SNX30: variants seen among roughly 807,000 people sequenced by gnomAD.
The protein encoded by SNX30 is sorting nexin family member 30.
In SNX30, 24 loss-of-function variants were observed where a neutral mutation model predicts 46.4. That is an observed-to-expected ratio of 0.52 (90% CI 0.37 to 0.73). The LOEUF (loss-of-function observed/expected upper bound fraction) is 0.73. SNX30 is among the 30% of genes least tolerant of loss of function. The pLI is 0.00. For synonymous variants in SNX30, 189 were observed against 211.5 expected, an observed-to-expected ratio of 0.89 and a Z score of 0.92; for missense variants, 533 against 555.7, an observed-to-expected ratio of 0.96 and a Z score of 0.41.
In SNX30 at chr9:112,854,067, C is replaced by T. The variant is rs1255635307; in HGVS notation, c.1101+3122C>T. On this transcript the variant is annotated intron_variant, in intron 7 of 8. Transcript: ENST00000374232. ...ATCTGTACAAGCTCAGCACTGAATA[C>T]GAGCTTTCTCAGAGGCTGATGCTGT... Among the ~76,000 whole-genome samples, 6 of 152,320 alleles carry T rather than the reference C, an allele frequency of 3.9e-5. No individual in the cohort carries two copies. The East Asian group carries it at 5.8e-4, about 15-fold the overall frequency.
intron 4 of SNX30, among the ~76,000 whole-genome samples, chr9:112,832,192 A>G (rs1204890333): frequency 6.6e-6 from 1 of 151,978 alleles, no homozygotes; most frequent in East Asian, 1.9e-4. Context: ...TACAGGTTGG[A>G]CAGGTACACT....
chr9:112,857,172 T>A (rs1692912781), intron 7 of SNX30, among the ~76,000 whole-genome samples: 1 of 152,102 alleles, frequency 6.6e-6, no homozygotes, highest in Non-Finnish European at 1.5e-5. Context: ...AGCTCGAGGA[T>A]CTCTTGCTGT....
chr9:112,796,094 G>A (rs1840104081), intron 1 of SNX30, among the ~76,000 whole-genome samples: 2 of 152,168 alleles, frequency 1.3e-5, no homozygotes, highest in South Asian at 2.1e-4. Context: ...CTGGTCCCTC[G>A]GATGTGGAAG....
intron 1 of SNX30, among the ~76,000 whole-genome samples, chr9:112,760,651 G>A (rs1000497830): frequency 2.0e-5 from 3 of 152,320 alleles, no homozygotes; most frequent in Admixed American, 2.0e-4. Context: ...TGCCAGCTGT[G>A]CCTGAAGTTA....
chr9:112,758,634 G>A (rs1348714918), intron 1 of SNX30, among the ~76,000 whole-genome samples: 2 of 152,188 alleles, frequency 1.3e-5, no homozygotes, highest in South Asian at 2.1e-4. Context: ...GAGCTCAAGC[G>A]ATCTGCCCGC....
At chr9:112,811,290 A>T (rs1321043701) in intron 2 of SNX30, among the ~76,000 whole-genome samples, 1 of 152,212 alleles carries the variant, frequency 6.6e-6, no homozygotes. Flanking sequence ...GGGGTTGCCT[A>T]GAATTCTTAA....
downstream of SNX30, among the ~76,000 whole-genome samples, chr9:112,882,795 A>G (rs1430481723): frequency 6.6e-6 from 1 of 152,154 alleles, no homozygotes; most frequent in African/African-American, 2.4e-5. Flanking sequence ...GGAGGGTATC[A>G]AGAACCCTAT....
At chr9:112,861,934 A>G (rs948623118) in intron 7 of SNX30, among the ~76,000 whole-genome samples, 2 of 137,442 alleles carry the variant, frequency 1.5e-5, no homozygotes, top group African/African-American at 4.9e-5. Flanking sequence ...AAGCGACAAC[A>G]CTTACGATAT....
intron 7 of SNX30, 109 bp from the exon 8 acceptor site, chr9:112,864,138 G>A (rs1841280829): frequency 3.4e-6 from 4 of 1,187,922 alleles, no homozygotes; most frequent in South Asian, 2.7e-5. Flanking sequence ...CGTGTTGATA[G>A]CATTTTAATG....
intron 7 of SNX30, among the ~76,000 whole-genome samples, chr9:112,861,347 C>T (rs914856621): frequency 1.3e-5 from 2 of 152,186 alleles, no homozygotes; most frequent in Non-Finnish European, 2.9e-5. Context: ...CAGCCCAACT[C>T]CCCCTTCCTA....
downstream of SNX30, among the ~76,000 whole-genome samples, chr9:112,882,185 C>T (rs1373978627): frequency 6.6e-6 from 1 of 152,194 alleles, no homozygotes; most frequent in Non-Finnish European, 1.5e-5. Context: ...TTGCTCATTG[C>T]AGCCTCAACC....
chr9:112,870,374 C>G lies in SNX30; in HGVS notation c.*1531C>G, dbSNP rs1185152597. The G allele has an allele frequency of 2.6e-5, 4 of 152,256 alleles. No individual in the cohort carries two copies. The highest frequency in any genetic ancestry group is 5.9e-5 in the Non-Finnish European group (4 of 68,054). The allele number at this position is 152,256 out of a possible 1,614,324, so 9.4% of individuals were successfully genotyped here. A position where few individuals can be genotyped will look rare whatever the true frequency, so the allele number is the denominator to read the frequency against. On this transcript the variant is annotated 3_prime_UTR_variant, in exon 9 of 9. Coordinates refer to ENST00000374232, the MANE Select transcript of SNX30 (RefSeq NM_001012994.2). Reference sequence around the variant, plus strand: ...GTCAGCGGGCAGCACGTCAAGGTCACTTAAGCCCACTTTTAACTGCAGGTC... The same window carrying G: ...GTCAGCGGGCAGCACGTCAAGGTCAGTTAAGCCCACTTTTAACTGCAGGTC...
At chr9:112,875,151 T>G (rs921572676), downstream of SNX30, 60 of 152,346 alleles carry the variant, frequency 3.9e-4, no homozygotes, top group African/African-American at 1.3e-3. Context: ...ATTTTTATTC[T>G]TCTTCACTTC....
chr9:112,860,212 C>T (rs1841205186), intron 7 of SNX30, among the ~76,000 whole-genome samples: 2 of 152,202 alleles, frequency 1.3e-5, no homozygotes, highest in Non-Finnish European at 2.9e-5. Context: ...TCCCAAAGTG[C>T]TGGGATTACA....
intron 5 of SNX30, 25 bp from the exon 6 acceptor site, chr9:112,838,473 T>G: frequency 6.3e-7 from 1 of 1,581,908 alleles, no homozygotes; most frequent in Non-Finnish European, 8.6e-7. Context: ...AGCCAGATTT[T>G]AATTAGTTTC....
downstream of SNX30, among the ~76,000 whole-genome samples, chr9:112,883,281 C>T (rs1319097428): frequency 1.3e-5 from 2 of 152,074 alleles, no homozygotes; most frequent in African/African-American, 4.8e-5. Flanking sequence ...TAGAAGAATT[C>T]AGGAGAGAAT....
chr9:112,796,785 C>T (rs1032865484), intron 1 of SNX30, among the ~76,000 whole-genome samples: 11 of 152,138 alleles, frequency 7.2e-5, no homozygotes, highest in African/African-American at 2.2e-4. Context: ...GCCCTTGACC[C>T]CAGGCCACAC....
rs12686424 is a variant in SNX30 at position 112,806,279 on chromosome 9, G to A, written c.348+1312G>A. 2.0e-4 allele frequency among the ~76,000 whole-genome samples: 30 copies of A among 152,192 alleles called. 1 individual carries two copies. In the East Asian group the frequency reaches 5.4e-3, roughly 27 times the overall value. On this transcript the variant is annotated intron_variant, in intron 2 of 8. Coordinates refer to ENST00000374232, the MANE Select transcript of SNX30 (RefSeq NM_001012994.2). ...CCAGTTGAAAGCCACATATTTAGAGGAAGAATGACAATATTGACATTATTA... is the reference window on the plus strand; with the variant it reads ...CCAGTTGAAAGCCACATATTTAGAGAAAGAATGACAATATTGACATTATTA...
Position 112,857,783 on chromosome 9 carries a change from TCCATCCATCCAA to T in SNX30, c.1102-6452_1102-6441del, listed in dbSNP as rs979654559. On this transcript the variant is annotated intron_variant, in intron 7 of 8. Transcript: ENST00000374232. ...ATGCATGCATGCATCCATCCATCCA[TCCATCCATCCAA>T]CCATCCATCCATCCATCTATCTATT... Among the ~76,000 whole-genome samples, 82 of 151,990 alleles carry T rather than the reference TCCATCCATCCAA, an allele frequency of 5.4e-4. 1 individual carries two copies. The highest frequency in any genetic ancestry group is 4.6e-3 in the East Asian group (24 of 5,168).
Sources: allele counts gnomAD v4.1 joint callset (sites outside exome capture counted in the v4.1 genomes callset), GRCh38; gene constraint gnomAD v4.1.1; transcripts MANE v1.5; gene names NCBI Gene and HGNC (gene_info 2026-07-23, HGNC 2026-07-21).